Variants in SMPX observed in about 807,000 individuals in gnomAD.
SMPX encodes small muscular protein.
SMPX carries 2 observed loss-of-function variants against 6.3 expected under a neutral mutation model. The observed-to-expected ratio is 0.32, with a 90% CI of 0.13 to 0.99. SMPX has a LOEUF of 0.99. Ranked by LOEUF, SMPX falls within the 50% of genes least tolerant of loss-of-function variation. The pLI is 0.49. For synonymous variants in SMPX, 32 were observed against 24.7 expected, an observed-to-expected ratio of 1.30 and a Z score of -0.88; for missense variants, 60 against 66.8, an observed-to-expected ratio of 0.90 and a Z score of 0.36.
chrX:21,756,090 A>G (rs1243653386), intron 1 of SMPX, among the ~76,000 whole-genome samples: 1 of 112,281 alleles, frequency 8.9e-6, no homozygotes, highest in East Asian at 2.8e-4. Flanking sequence ...GTTAGAAGTC[A>G]TACAAAGCAA....
intron 2 of SMPX, among the ~76,000 whole-genome samples, chrX:21,744,280 C>G (rs746766033): frequency 4.5e-4 from 50 of 111,702 alleles, no homozygotes; most frequent in African/African-American, 1.6e-3. Context: ...GGAGGGGAGA[C>G]ATTTACACGC....
intron 3 of SMPX, among the ~76,000 whole-genome samples, chrX:21,743,339 G>A (rs2092817967): frequency 9.0e-6 from 1 of 111,380 alleles, no homozygotes; most frequent in African/African-American, 3.3e-5. Flanking sequence ...AAGATCCCAA[G>A]TGAAAACTTA....
At chrX:21,735,811 T>A (rs1332206915) in intron 4 of SMPX, among the ~76,000 whole-genome samples, 5 of 112,136 alleles carry the variant, frequency 4.5e-5, no homozygotes, top group Non-Finnish European at 9.4e-5. Context: ...CTCTCCAGGC[T>A]TTCTAACAAG....
intron 2 of SMPX, among the ~76,000 whole-genome samples, chrX:21,752,692 T>C: frequency 9.1e-6 from 1 of 110,347 alleles, no homozygotes; most frequent in East Asian, 2.8e-4. Flanking sequence ...TAATTTTTTA[T>C]ATTTTTAGTA....
intron 4 of SMPX, among the ~76,000 whole-genome samples, chrX:21,711,004 G>A (rs2092778091): frequency 1.8e-5 from 2 of 111,698 alleles, no homozygotes; most frequent in Non-Finnish European, 3.8e-5. Flanking sequence ...CCACTCCCGG[G>A]TCCCGGTAGA....
At chrX:21,751,919 T>C (rs2092827820) in intron 2 of SMPX, among the ~76,000 whole-genome samples, 1 of 112,396 alleles carries the variant, frequency 8.9e-6, no homozygotes, top group South Asian at 3.7e-4. Flanking sequence ...TTTTATTTCA[T>C]GTACCCTACT....
At chrX:21,757,910 C>G (rs1206330812) in intron 1 of SMPX, 32 bp downstream of exon 1, 1 of 324,337 alleles carries the variant, frequency 3.1e-6, no homozygotes, top group Non-Finnish European at 6.0e-6. Flanking sequence ...CTTTAGAAAA[C>G]CCAGTCGCCG....
chrX:21,712,341 C>T (rs1276452817), intron 4 of SMPX, among the ~76,000 whole-genome samples: 2 of 112,114 alleles, frequency 1.8e-5, no homozygotes, highest in Non-Finnish European at 3.8e-5. Context: ...TTGCCTTGGT[C>T]AAATCCTGCA....
intron 4 of SMPX, among the ~76,000 whole-genome samples, chrX:21,729,992 C>T (rs2092801517): frequency 8.9e-6 from 1 of 112,244 alleles, no homozygotes; most frequent in Non-Finnish European, 1.9e-5. Flanking sequence ...AGTTCAGAAT[C>T]ACTGCAGAAC....
intron 4 of SMPX, among the ~76,000 whole-genome samples, chrX:21,710,901 C>T (rs2092777994): frequency 8.9e-6 from 1 of 112,057 alleles, no homozygotes; most frequent in South Asian, 3.8e-4. Context: ...AAACCTGATT[C>T]TTCTTTGCAG....
At position 21,735,437 on chromosome X, in the gene SMPX, A is replaced by C. The variant is rs2092809466; in HGVS notation, c.*14+2112T>G. On this transcript the variant is annotated intron_variant, in intron 4 of 4. Transcript: ENST00000379494. ...TACATTAGAATTTGTTAAGGAGAGA[A>C]GAATCATTAAAGTCTTCTCTGAGAA... Among the ~76,000 whole-genome samples, 5 of 112,149 alleles carry C rather than the reference A, an allele frequency of 4.5e-5. No individual in the cohort carries two copies. In the Admixed American group the frequency reaches 4.7e-4, roughly 11 times the overall value.
At chrX:21,745,937 C>T (rs1183803486) in intron 2 of SMPX, among the ~76,000 whole-genome samples, 1 of 111,979 alleles carries the variant, frequency 8.9e-6, no homozygotes, top group East Asian at 2.8e-4. Context: ...AAGATGACTA[C>T]TTTTCCTGTT....
chrX:21,710,343 T>C (rs971490352), intron 4 of SMPX, among the ~76,000 whole-genome samples: 3 of 111,602 alleles, frequency 2.7e-5, no homozygotes, highest in Non-Finnish European at 5.6e-5. Flanking sequence ...TAAGTGAAGC[T>C]AAACTATGAG....
At chrX:21,736,411 A>G (rs1160352574) in intron 4 of SMPX, among the ~76,000 whole-genome samples, 1 of 112,282 alleles carries the variant, frequency 8.9e-6, no homozygotes, top group Non-Finnish European at 1.9e-5. Context: ...AGTAGGTGAT[A>G]GCACTAACTT....
intron 2 of SMPX, among the ~76,000 whole-genome samples, chrX:21,744,787 G>A (rs976861301): frequency 3.6e-5 from 4 of 112,130 alleles, no homozygotes; most frequent in East Asian, 2.8e-4. Context: ...TTGAAATTTC[G>A]TTTTGATGTT....
chrX:21,728,627 G>C (rs2092800095), intron 4 of SMPX, among the ~76,000 whole-genome samples: 2 of 112,583 alleles, frequency 1.8e-5, no homozygotes, highest in Admixed American at 9.4e-5. Flanking sequence ...CCAACATGGT[G>C]AAATATTATT....
At chrX:21,737,435 A>G in intron 4 of SMPX, 114 bp downstream of exon 4, 2 of 689,857 alleles carry the variant, frequency 2.9e-6, no homozygotes, top group Non-Finnish European at 4.5e-6. Flanking sequence ...CTTAAATTGA[A>G]GGCACCTGGT....
chrX:21,727,960 G>A (rs2092798818), intron 4 of SMPX, among the ~76,000 whole-genome samples: 1 of 112,033 alleles, frequency 8.9e-6, no homozygotes. Flanking sequence ...TTCTGCGTGG[G>A]CTGCACACAG....
chrX:21,745,575 T>G (rs924962177), intron 2 of SMPX, among the ~76,000 whole-genome samples: 3 of 111,821 alleles, frequency 2.7e-5, no homozygotes, highest in Admixed American at 9.5e-5. Context: ...ATAAAGAAGA[T>G]CAAGACAGTG....
Sources: gnomAD v4.1 joint callset for allele counts (sites outside exome capture counted in the v4.1 genomes callset) on GRCh38, gnomAD v4.1.1 for gene constraint, MANE v1.5 for transcripts, NCBI Gene and HGNC (gene_info 2026-07-23, HGNC 2026-07-21) for gene names.